Variants in KNDC1 observed in about 807,000 individuals in gnomAD.
The protein encoded by KNDC1 is kinase non-catalytic C-lobe domain containing 1, also known as kinase non-catalytic C-lobe domain-containing protein 1.
A neutral mutation model predicts 172.8 loss-of-function variants in KNDC1; 106 were observed. The ratio of observed to expected loss-of-function variants is 0.61; its 90% CI spans 0.52 to 0.72. The LOEUF (loss-of-function observed/expected upper bound fraction) is 0.72. Ranked by LOEUF, KNDC1 falls within the 30% of genes least tolerant of loss-of-function variation. The pLI, the probability that KNDC1 is intolerant of heterozygous loss-of-function variation, is 0.00. For synonymous variants in KNDC1, 1,083 were observed against 1,062.2 expected (o/e 1.02, Z -0.38); for missense variants, 2,325 against 2,394.5 (o/e 0.97, Z 0.61).
rs1408934507 is a variant in KNDC1, at chr10:133,163,148, C to G, written c.102+2579C>G. Among the ~76,000 whole-genome samples the G allele has an allele frequency of 6.6e-6, 1 of 152,218 alleles. No homozygotes were observed. Among genetic ancestry groups the G allele is most frequent in the Non-Finnish European group, 1.5e-5 (1 of 68,042 alleles). ...GAACAGCGGCTGCAGAAGAGGCACA[C>G]AGTCCAGGCGGCTGGAGTCGATGGA... is the stretch of plus-strand genomic sequence containing the variant. On this transcript the variant is annotated intron_variant, in intron 1 of 29. Coordinates refer to ENST00000304613, the MANE Select transcript of KNDC1 (RefSeq NM_152643.8). This position sits in a 1 kb window ranked among gnomAD's most constrained non-coding sequence, Gnocchi z 4.4.
At chr10:133,190,871 G>A (rs761090216) in intron 9 of KNDC1, among the ~76,000 whole-genome samples, 15 of 152,310 alleles carry the variant, frequency 9.8e-5, no homozygotes, top group South Asian at 4.1e-4. Context: ...AACAAAAACC[G>A]CGTCCGTGAG....
chr10:133,224,052 G>C lies in KNDC1; in HGVS notation c.5019-607G>C, dbSNP rs1049202978. Among the ~76,000 whole-genome samples the C allele has an allele frequency of 6.6e-6, 1 of 152,064 alleles. No homozygotes were observed. The highest frequency in any genetic ancestry group is 1.5e-5 in the Non-Finnish European group (1 of 68,048). On this transcript the variant is annotated intron_variant, in intron 29 of 29. Transcript: ENST00000304613. The surrounding 1 kb of genome is among the most constrained non-coding windows in gnomAD (Gnocchi z 5.4). ...GTGTGTGTGTGTGAGAGCCCATCCA[G>C]GCTTGGCCTTTCTTTGCCGTAATGG...
intron 7 of KNDC1, among the ~76,000 whole-genome samples, chr10:133,189,339 C>T (rs1854014796): frequency 6.6e-6 from 1 of 152,198 alleles, no homozygotes; most frequent in Non-Finnish European, 1.5e-5. Context: ...CGCTTGGCTC[C>T]CTTTCAGCCG....
At chr10:133,187,193 A>T (rs1853945076) in intron 6 of KNDC1, among the ~76,000 whole-genome samples, 1 of 152,138 alleles carries the variant, frequency 6.6e-6, no homozygotes, top group African/African-American at 2.4e-5. Context: ...GGACGCTGGG[A>T]TCTGGTGCGG....
chr10:133,222,080 A>G lies in KNDC1; in HGVS notation c.5018+1968A>G, dbSNP rs368437794. Among the ~76,000 whole-genome samples, 485 of 146,894 alleles carry G rather than the reference A, an allele frequency of 3.3e-3. 59 individuals carry two copies. Among genetic ancestry groups the G allele is most frequent in the East Asian group, 0.029 (145 of 4,926 alleles). On this transcript the variant is annotated intron_variant, in intron 29 of 29. Transcript: ENST00000304613. ...GCGGATCACTTGAGGTCAGGAGTTC[A>G]AGACCAGCCTGGCCAACATGGTGAA... is the stretch of plus-strand genomic sequence containing the variant.
Position 133,219,111 on chromosome 10 carries a change from C to T in KNDC1, c.4860+21C>T, listed in dbSNP as rs745856492. On this transcript the variant is annotated intron_variant, in intron 28 of 29. Transcript: ENST00000304613. ...TGGAGGTACCAGCACTTTACGTGGC[C>T]GGGCGGCTTTGGTCCCCCGAGGCCC... 4.8e-5 allele frequency: 77 copies of T among 1,610,240 alleles called. No homozygotes were observed. In the Middle Eastern group the frequency reaches 7.2e-4, roughly 15 times the overall value.
chr10:133,180,723 G>A (rs567283427), intron 3 of KNDC1, among the ~76,000 whole-genome samples: 3 of 152,350 alleles, frequency 2.0e-5, no homozygotes, highest in African/African-American at 7.2e-5. Flanking sequence ...TGTGTGCGGC[G>A]CCCAGGCTGA....
Position 133,163,444 on chromosome 10 carries a change from A to AT in KNDC1, c.102+2876dup, listed in dbSNP as rs757959003. Among the ~76,000 whole-genome samples, 9 of 152,092 alleles carry AT rather than the reference A, an allele frequency of 5.9e-5. No homozygotes were observed. Among genetic ancestry groups the AT allele is most frequent in the Non-Finnish European group, 1.0e-4 (7 of 68,000 alleles). ...AGGACGTCCCCGCTGCAGGGTCCAT[A>AT]TGACATCTGTGCCAGGATGAGCTCA... is the stretch of plus-strand genomic sequence containing the variant. On this transcript the variant is annotated intron_variant, in intron 1 of 29. Coordinates refer to ENST00000304613, the MANE Select transcript of KNDC1 (RefSeq NM_152643.8). The surrounding 1 kb of genome is among the most constrained non-coding windows in gnomAD (Gnocchi z 4.4).
chr10:133,186,586 G>T lies in KNDC1; in HGVS notation c.1238G>T (p.Arg413Leu). ...QGPAEAPADP[R>L]DASGEAQTPR... ...CCAGCAGAGGCCCCTGCAGACCCTC[G>T]AGATGCTAGCGGTGAAGCCCAGACT... The change falls in exon 6 of 30, where the codon CGA becomes CTA. Residue 413 changes from arginine to leucine, a missense_variant. By Grantham distance (102) the Arg-to-Leu change is moderately radical (BLOSUM62 -2). Transcript: ENST00000304613. 1 of 1,605,890 alleles carries T rather than the reference G, an allele frequency of 6.2e-7. No individual in the cohort carries two copies.
chr10:133,184,506 CAT>C (rs1227059185), intron 5 of KNDC1, among the ~76,000 whole-genome samples: 11 of 152,382 alleles, frequency 7.2e-5, no homozygotes, highest in East Asian at 3.9e-4. Context: ...CTCGTACACA[CAT>C]ATTCACTCTT....
At chr10:133,179,265 C>T (rs904960793) in intron 3 of KNDC1, 1 of 152,254 alleles carries the variant, frequency 6.6e-6, no homozygotes, top group Admixed American at 6.5e-5. Flanking sequence ...TCTGCAGAGC[C>T]CTGGCCAGTG....
chr10:133,220,216 G>C, intron 29 of KNDC1, 104 bp downstream of exon 29: 1 of 685,158 alleles, frequency 1.5e-6, no homozygotes, highest in Non-Finnish European at 2.1e-6. Flanking sequence ...CAGGAGAGGA[G>C]GGGCTCAGGC....
rs1410660480 is a variant in KNDC1, at chr10:133,198,411, G to A, written c.1981G>A (p.Glu661Lys). 2.5e-6 allele frequency: 4 copies of A among 1,601,916 alleles called. No individual in the cohort carries two copies. In the Admixed American group the frequency reaches 5.1e-5, roughly 20 times the overall value. The change falls in exon 13 of 30, where the codon GAA becomes AAA. Residue 661 changes from glutamate to lysine, a missense_variant. Physicochemically the swap from Glu to Lys is moderately conservative, Grantham distance 56. Transcript: ENST00000304613. ...GPVPGQHPCG[E>K]EATQLPAAFT... ...CGTGCCCGGCCAGCACCCCTGCGGTGAAGAAGCCACCCAGCTGCCTGCAGC... is the reference window on the plus strand; with the variant it reads ...CGTGCCCGGCCAGCACCCCTGCGGTAAAGAAGCCACCCAGCTGCCTGCAGC...
chr10:133,171,926 T>G, intron 3 of KNDC1, among the ~76,000 whole-genome samples: 1 of 152,230 alleles, frequency 6.6e-6, no homozygotes, highest in East Asian at 1.9e-4. Context: ...ACAATTCACT[T>G]TAGTATCTTT....
chr10:133,179,371 G>C (rs1048003645), intron 3 of KNDC1: 1 of 152,258 alleles, frequency 6.6e-6, no homozygotes, highest in Admixed American at 6.5e-5. Flanking sequence ...ACCACGCTGA[G>C]TGCTGCAGCC....
chr10:133,185,361 TG>T (rs1226218105), intron 5 of KNDC1, among the ~76,000 whole-genome samples: 44 of 101,622 alleles, frequency 4.3e-4, no homozygotes, highest in East Asian at 1.4e-3. Context: ...GAGTAGGCAG[TG>T]TGTACAGTGT....
At chr10:133,172,287 T>A (rs952902899) in intron 3 of KNDC1, among the ~76,000 whole-genome samples, 3 of 152,250 alleles carry the variant, frequency 2.0e-5, no homozygotes, top group African/African-American at 7.2e-5. Context: ...ATCGTGAATG[T>A]GTGTGTCAAT....
chr10:133,167,386 C>T lies in KNDC1; in HGVS notation c.108C>T (p.Asn36=), dbSNP rs763657937. The part of the protein sequence containing the change: ...PLPTLPEDEE[N]VSLADILSLR... ...GCCAGGGCCGGTCTTGGCAGGAGAACGTGTCTCTGGCTGACATCCTCTCCC... is the reference window on the plus strand; with the variant it reads ...GCCAGGGCCGGTCTTGGCAGGAGAATGTGTCTCTGGCTGACATCCTCTCCC... Residue 36 remains asparagine, a synonymous_variant, in exon 2 of 30, where the codon AAC becomes AAT. Transcript: ENST00000304613. The T allele has an allele frequency of 9.5e-6, 15 of 1,582,874 alleles. No individual in the cohort carries two copies. The highest frequency in any genetic ancestry group is 3.3e-4 in the Middle Eastern group (2 of 6,008).
intron 3 of KNDC1, among the ~76,000 whole-genome samples, chr10:133,176,316 G>A (rs73386699): frequency 6.6e-6 from 1 of 152,138 alleles, no homozygotes; most frequent in African/African-American, 2.4e-5. Context: ...TGGATGGATG[G>A]GTGGACGGAT....
Sources: gnomAD v4.1 joint callset for allele counts (sites outside exome capture counted in the v4.1 genomes callset) on GRCh38, gnomAD v4.1.1 for gene constraint, Gnocchi (gnomAD v3.1) non-coding constraint, MANE v1.5 for transcripts, NCBI Gene and HGNC (gene_info 2026-07-23, HGNC 2026-07-21) for gene names.